Variants in NTNG1 observed in about 807,000 individuals in gnomAD.
The protein encoded by NTNG1 is netrin G1.
Under a neutral mutation model 54.0 loss-of-function variants are expected in NTNG1, and 16 were observed. The ratio of observed to expected loss-of-function variants is 0.30; its 90% confidence interval spans 0.20 to 0.45. The LOEUF is 0.45. NTNG1 is among the 20% of genes least tolerant of loss of function. The pLI is 1.00. For synonymous variants in NTNG1, 255 were observed against 263.1 expected, an observed-to-expected ratio of 0.97 and a Z score of 0.30; for missense variants, 530 against 678.7, an observed-to-expected ratio of 0.78 and a Z score of 2.43.
At chr1:107,213,385 C>T (rs1659723008) in intron 2 of NTNG1, among the ~76,000 whole-genome samples, 1 of 152,152 alleles carries the variant, frequency 6.6e-6, no homozygotes, top group Non-Finnish European at 1.5e-5. Context: ...GCTCCTGCCA[C>T]GCTCTCTCCG....
At chr1:107,215,618 TTTG>T (rs756984833) in intron 2 of NTNG1, among the ~76,000 whole-genome samples, 32 of 151,598 alleles carry the variant, frequency 2.1e-4, no homozygotes, top group Non-Finnish European at 3.0e-4. Context: ...CATGCAGGCT[TTTG>T]TTGTTGTTGT....
intron 2 of NTNG1, among the ~76,000 whole-genome samples, chr1:107,182,321 G>A (rs1159292181): frequency 6.6e-6 from 1 of 152,092 alleles, no homozygotes; most frequent in East Asian, 1.9e-4. Flanking sequence ...CATGCCACAT[G>A]TTTAATGATA....
chr1:107,413,205 C>T (rs2101182247), intron 5 of NTNG1, among the ~76,000 whole-genome samples: 1 of 151,206 alleles, frequency 6.6e-6, no homozygotes, highest in South Asian at 2.1e-4. Context: ...CTCTGTCACC[C>T]AGGCTGGAGT....
At chr1:107,291,982 A>AT (rs35856386) in intron 2 of NTNG1, among the ~76,000 whole-genome samples, 111 of 149,954 alleles carry the variant, frequency 7.4e-4, no homozygotes, top group African/African-American at 2.3e-3. Context: ...TAACCAGAAG[A>AT]TTTTTTTTTT....
chr1:107,209,761 A>G (rs1659477001), intron 2 of NTNG1, among the ~76,000 whole-genome samples: 1 of 152,210 alleles, frequency 6.6e-6, no homozygotes, highest in South Asian at 2.1e-4. Context: ...ACAAGGAAGA[A>G]GTTAAGTTAT....
At chr1:107,201,382 C>A (rs1451181620) in intron 2 of NTNG1, among the ~76,000 whole-genome samples, 1 of 151,770 alleles carries the variant, frequency 6.6e-6, no homozygotes, top group African/African-American at 2.4e-5. Context: ...TGTTAAATAG[C>A]CCTTCAGTTC....
At chr1:107,413,529 C>T (rs142033767) in intron 5 of NTNG1, among the ~76,000 whole-genome samples, 42 of 152,174 alleles carry the variant, frequency 2.8e-4, no homozygotes, top group African/African-American at 9.6e-4. Context: ...CCAAAGGGAC[C>T]TTGTAATTTT....
intron 3 of NTNG1, among the ~76,000 whole-genome samples, chr1:107,390,337 C>CT (rs1431030936): frequency 2.5e-4 from 38 of 152,314 alleles, no homozygotes; most frequent in African/African-American, 8.2e-4. Context: ...GACATTAAAG[C>CT]TAAAAGAGGC....
chr1:107,334,815 G>A (rs1031516653), intron 3 of NTNG1, among the ~76,000 whole-genome samples: 4 of 151,916 alleles, frequency 2.6e-5, no homozygotes, highest in Non-Finnish European at 4.4e-5. Flanking sequence ...ATTTATTGAT[G>A]GAATGAGAGA....
intron 3 of NTNG1, among the ~76,000 whole-genome samples, chr1:107,371,656 C>A (rs539424390): frequency 6.6e-6 from 1 of 151,932 alleles, no homozygotes; most frequent in Non-Finnish European, 1.5e-5. Flanking sequence ...TCACTAGAAT[C>A]AGTAGTGAAT....
At chr1:107,441,235 C>T (rs1022545396) in intron 7 of NTNG1, among the ~76,000 whole-genome samples, 7 of 20,416 alleles carry the variant, frequency 3.4e-4, no homozygotes, top group Non-Finnish European at 5.5e-4. Flanking sequence ...AGATTTATGA[C>T]TTTTCAGTTT....
intron 7 of NTNG1, among the ~76,000 whole-genome samples, chr1:107,457,520 A>G (rs1265703124): frequency 1.3e-5 from 2 of 152,224 alleles, no homozygotes; most frequent in African/African-American, 2.4e-5. Context: ...ATGCTAAATT[A>G]AAACATATAT....
At chr1:107,147,641 T>A (rs1472986858) in intron 1 of NTNG1, among the ~76,000 whole-genome samples, 2 of 152,220 alleles carry the variant, frequency 1.3e-5, no homozygotes, top group African/African-American at 4.8e-5. Context: ...ATTTTTAGGG[T>A]CTCTTTGCCA....
At position 107,218,281 on chromosome 1, in the gene NTNG1, T is replaced by A. The variant is rs1660105271; in HGVS notation, c.246+69442T>A. On this transcript the variant is annotated intron_variant, in intron 2 of 7. Transcript: ENST00000370068. ...TATAAGAATAGCTACTCCTGGTGGA[T>A]TTTGGTGTCCATTTGCATGGAATAT... Among the ~76,000 whole-genome samples, 4 of 152,162 alleles carry A rather than the reference T, an allele frequency of 2.6e-5. No individual in the cohort carries two copies. The South Asian group carries it at 8.3e-4, about 32-fold the overall frequency.
At chr1:107,428,607 G>A (rs996130) in intron 5 of NTNG1, among the ~76,000 whole-genome samples, 1 of 152,080 alleles carries the variant, frequency 6.6e-6, no homozygotes, top group Non-Finnish European at 1.5e-5. Context: ...GCTGTTATTG[G>A]CCCTCCTCAG....
At chr1:107,471,143 A>C (rs567442737) in intron 7 of NTNG1, among the ~76,000 whole-genome samples, 2 of 152,188 alleles carry the variant, frequency 1.3e-5, no homozygotes, top group Non-Finnish European at 2.9e-5. Flanking sequence ...GATGAGTAAG[A>C]ATAGAATGGC....
chr1:107,173,724 T>C (rs1427128840), intron 2 of NTNG1, among the ~76,000 whole-genome samples: 1 of 149,788 alleles, frequency 6.7e-6, no homozygotes, highest in Non-Finnish European at 1.5e-5. Context: ...TCTTTCTTTC[T>C]TTCTTTTTTT....
At chr1:107,400,544 G>C (rs1234651193) in intron 4 of NTNG1, among the ~76,000 whole-genome samples, 2 of 152,090 alleles carry the variant, frequency 1.3e-5, no homozygotes, top group Non-Finnish European at 2.9e-5. Context: ...ATGTATGACA[G>C]AGCAAGATTT....
At chr1:107,430,496 CT>C (rs1675191605) in intron 5 of NTNG1, among the ~76,000 whole-genome samples, 1 of 152,192 alleles carries the variant, frequency 6.6e-6, no homozygotes, top group Non-Finnish European at 1.5e-5. Flanking sequence ...GCAAATGCTT[CT>C]GTTCATTTTG....
Sources: allele counts gnomAD v4.1 joint callset (sites outside exome capture counted in the v4.1 genomes callset), GRCh38; gene constraint gnomAD v4.1.1; transcripts MANE v1.5; gene names NCBI Gene and HGNC (gene_info 2026-07-23, HGNC 2026-07-21).